Variants in SYT10 observed in about 807,000 individuals in gnomAD.
The protein encoded by SYT10 is synaptotagmin-10.
A neutral mutation model predicts 51.1 loss-of-function variants in SYT10; 31 were observed. The observed-to-expected ratio is 0.61, with a 90% confidence interval of 0.46 to 0.82. The LOEUF is 0.82. Ranked by LOEUF, SYT10 falls within the 40% of genes least tolerant of loss-of-function variation. SYT10 has a pLI of 0.00. For missense variants in SYT10, 603 were observed against 634.0 expected, an observed-to-expected ratio of 0.95 and a Z score of 0.53; for synonymous variants, 233 against 225.9, an observed-to-expected ratio of 1.03 and a Z score of -0.28.
At chr12:33,393,520 C>G (rs1162437743) in intron 3 of SYT10, among the ~76,000 whole-genome samples, 1 of 152,144 alleles carries the variant, frequency 6.6e-6, no homozygotes, top group African/African-American at 2.4e-5. Context: ...GAACTTGGCT[C>G]CACTATTTTA....
intron 2 of SYT10, among the ~76,000 whole-genome samples, chr12:33,410,664 A>G (rs1281732683): frequency 6.6e-6 from 1 of 152,248 alleles, no homozygotes; most frequent in African/African-American, 2.4e-5. Context: ...TCACCCAAAG[A>G]ATGAGAAGCT....
chr12:33,394,629 T>C (rs1223129474), intron 3 of SYT10, among the ~76,000 whole-genome samples: 3 of 152,254 alleles, frequency 2.0e-5, no homozygotes, highest in Non-Finnish European at 4.4e-5. Flanking sequence ...GGGTTGATAT[T>C]ATTACAAATC....
intron 4 of SYT10, 81 bp from the exon 5 acceptor site, chr12:33,382,601 T>G (rs1393077699): frequency 2.0e-5 from 27 of 1,339,592 alleles, no homozygotes; most frequent in Middle Eastern, 2.7e-4. Flanking sequence ...TTTTACTAAA[T>G]AAGACCTATA....
Position 33,418,105 on chromosome 12 carries a change from A to G in SYT10, c.509+8033T>C, listed in dbSNP as rs547889786. Among the ~76,000 whole-genome samples the G allele has an allele frequency of 2.0e-5, 3 of 152,298 alleles. No homozygotes were observed. The South Asian group carries it at 6.2e-4, about 32-fold the overall frequency. ...CTCTAATCAGCTTTTCATATACTGTACCACAATCGCTCTTGAAAATGTGAA... is the reference window on the plus strand; with the variant it reads ...CTCTAATCAGCTTTTCATATACTGTGCCACAATCGCTCTTGAAAATGTGAA... On this transcript the variant is annotated intron_variant, in intron 2 of 6. Transcript: ENST00000228567.
Position 33,382,495 on chromosome 12 carries a change from C to T in SYT10, c.1224G>A (p.Met408Ile). 6.2e-7 allele frequency: 1 copy of T among 1,610,514 alleles called. No homozygotes were observed. The highest frequency in any genetic ancestry group is 8.5e-7 in the Non-Finnish European group (1 of 1,178,474). ...TCTTTTTTAATCTTCGACCTTCACA[C>T]ATCAGGGACACTTTGACATAAGGAT... Reference protein sequence around the residue: ...SSDPYVKVSLMCEGRRLKKRK... With the variant: ...SSDPYVKVSLICEGRRLKKRK... Residue 408 changes from methionine (M) to isoleucine (I), a missense_variant, in exon 5 of 7, where the codon ATG becomes ATA. Met to Ile is a conservative substitution (Grantham distance 10). Transcript: ENST00000228567.
At chr12:33,404,669 G>A (rs547775249) in intron 3 of SYT10, among the ~76,000 whole-genome samples, 129 of 152,138 alleles carry the variant, frequency 8.5e-4, no homozygotes, top group Non-Finnish European at 1.5e-3. Context: ...GGGAATTACA[G>A]GCATGAGCCA....
At chr12:33,379,646 T>C (rs895751772) in intron 6 of SYT10, among the ~76,000 whole-genome samples, 186 bp downstream of exon 6, 2 of 139,862 alleles carry the variant, frequency 1.4e-5, no homozygotes, top group African/African-American at 5.4e-5. Flanking sequence ...TTTTTTAAAA[T>C]CCAGGAAGGC....
At chr12:33,379,513 G>T (rs1866094369) in intron 6 of SYT10, among the ~76,000 whole-genome samples, 1 of 115,612 alleles carries the variant, frequency 8.6e-6, no homozygotes, top group Non-Finnish European at 1.6e-5. Context: ...TTATTAGATT[G>T]CTCCAGCACT....
intron 2 of SYT10, among the ~76,000 whole-genome samples, chr12:33,425,734 G>A (rs1866544817): frequency 6.6e-6 from 1 of 151,998 alleles, no homozygotes; most frequent in Non-Finnish European, 1.5e-5. Flanking sequence ...TCCACGATAT[G>A]CATTTCAAAT....
At position 33,431,876 on chromosome 12, in the gene SYT10, GCA is replaced by G. The variant is rs141550768; in HGVS notation, c.152-5383_152-5382del. On this transcript the variant is annotated intron_variant, in intron 1 of 6. Transcript: ENST00000228567. ...AACACTGCCAACATCCCACATATTT[GCA>G]CAGTTAGCTTTAGAGCACAGTACCC... Among the ~76,000 whole-genome samples the G allele has an allele frequency of 6.5e-3, 994 of 152,146 alleles. 9 individuals carry two copies. The highest frequency in any genetic ancestry group is 0.022 in the African/African-American group (915 of 41,508).
chr12:33,402,521 A>G (rs1222973400), intron 3 of SYT10, among the ~76,000 whole-genome samples: 2 of 152,208 alleles, frequency 1.3e-5, no homozygotes, highest in Non-Finnish European at 1.5e-5. Flanking sequence ...ATTTACACTG[A>G]GGCATATACT....
intron 6 of SYT10, among the ~76,000 whole-genome samples, chr12:33,377,434 T>A (rs1441374289): frequency 6.6e-6 from 1 of 151,752 alleles, no homozygotes. Context: ...AGTAAGAGGT[T>A]CTAAACACAA....
At chr12:33,415,462 C>G (rs1866444873) in intron 2 of SYT10, among the ~76,000 whole-genome samples, 1 of 152,182 alleles carries the variant, frequency 6.6e-6, no homozygotes, top group Non-Finnish European at 1.5e-5. Context: ...CACATCTCAG[C>G]ATCTAATGGG....
At chr12:33,394,441 G>A (rs1418993089) in intron 3 of SYT10, among the ~76,000 whole-genome samples, 2 of 152,114 alleles carry the variant, frequency 1.3e-5, no homozygotes, top group African/African-American at 2.4e-5. Flanking sequence ...CTAAATATTA[G>A]GGCAAGAACT....
At chr12:33,385,410 T>C in intron 3 of SYT10, 119 bp from the exon 4 acceptor site, 1 of 1,376,410 alleles carries the variant, frequency 7.3e-7, no homozygotes, top group Non-Finnish European at 9.6e-7. Context: ...ATAATACAGA[T>C]AACATTGCAA....
chr12:33,435,194 A>G (rs1480754919), intron 1 of SYT10, among the ~76,000 whole-genome samples: 1 of 152,240 alleles, frequency 6.6e-6, no homozygotes, highest in Non-Finnish European at 1.5e-5. Context: ...AAAATCATTC[A>G]TAAGAATTAG....
In SYT10 at chr12:33,375,364, A is replaced by C; in HGVS notation, c.*1466T>G. On this transcript the variant is annotated 3_prime_UTR_variant, in exon 7 of 7. Coordinates refer to ENST00000228567, the MANE Select transcript of SYT10 (RefSeq NM_198992.4). The stretch of plus-strand genomic sequence containing the variant: ...GATTTTACAAAAATAAAAATTTCAT[A>C]ACCGCTGATAAAATTTTCTCATCCA... The C allele has an allele frequency of 6.6e-6, 1 of 152,218 alleles. No homozygotes were observed. Among genetic ancestry groups the C allele is most frequent in the African/African-American group, 2.4e-5 (1 of 41,584 alleles). The allele number at this position is 152,218 out of a possible 1,614,324, so 9.4% of individuals were successfully genotyped here.
intron 3 of SYT10, chr12:33,405,598 A>T (rs1032606705): frequency 6.6e-6 from 1 of 152,238 alleles, no homozygotes; most frequent in African/African-American, 2.4e-5. Context: ...TTAGTAAAAC[A>T]TTCATAAATG....
chr12:33,400,666 T>C (rs1216552912), intron 3 of SYT10, among the ~76,000 whole-genome samples: 1 of 152,190 alleles, frequency 6.6e-6, no homozygotes, highest in Non-Finnish European at 1.5e-5. Context: ...AATCTTTTCC[T>C]TGTCTACCTA....
Sources: gnomAD v4.1 joint callset for allele counts (sites outside exome capture counted in the v4.1 genomes callset) on GRCh38, gnomAD v4.1.1 for gene constraint, MANE v1.5 for transcripts, NCBI Gene and HGNC (gene_info 2026-07-23, HGNC 2026-07-21) for gene names.